Variants in ESCO2 observed in about 807,000 individuals in gnomAD.
ESCO2 encodes establishment of sister chromatid cohesion N-acetyltransferase 2.
In ESCO2, 51 loss-of-function variants were observed where a neutral mutation model predicts 61.7. The ratio of observed to expected loss-of-function variants is 0.83; its 90% CI spans 0.66 to 1.04. The LOEUF is 1.04. Ranked by LOEUF, ESCO2 falls within the 50% of genes least tolerant of loss-of-function variation. The pLI is 0.00. For synonymous variants in ESCO2, 230 were observed against 238.2 expected (o/e 0.97, Z 0.32); for missense variants, 692 against 686.2 (o/e 1.01, Z -0.09).
At chr8:27,810,348 G>A (rs764518967), downstream of ESCO2, 11 of 1,612,948 alleles carry the variant, frequency 6.8e-6, no homozygotes, top group Non-Finnish European at 9.3e-6. Flanking sequence ...TGCAGCAGAA[G>A]GACGATCTTT....
At chr8:27,788,040 CT>C in intron 6 of ESCO2, 38 bp downstream of exon 6, 1 of 1,495,214 alleles carries the variant, frequency 6.7e-7, no homozygotes, top group Non-Finnish European at 9.3e-7. Context: ...CTATCTAGCC[CT>C]TTGCAGAAAA....
chr8:27,808,684 C>CAAAAAAAA (rs34162059), downstream of ESCO2, among the ~76,000 whole-genome samples: 15 of 106,572 alleles, frequency 1.4e-4, no homozygotes, highest in East Asian at 2.2e-3. Context: ...GACCCTGTCT[C>CAAAAAAAA]AAAAAAAAAA....
upstream of ESCO2, chr8:27,772,506 C>T: frequency 1.3e-6 from 2 of 1,549,982 alleles, no homozygotes; most frequent in Non-Finnish European, 8.7e-7. Flanking sequence ...ACGTGGCGCC[C>T]ACTCACCGCT....
In ESCO2 at chr8:27,776,530, C is replaced by T. The variant is rs1256764677; in HGVS notation, c.222C>T (p.Gly74=). 16 of 1,614,074 alleles carry T rather than the reference C, an allele frequency of 9.9e-6. No individual in the cohort carries two copies. The highest frequency in any genetic ancestry group is 3.3e-5 in the South Asian group (3 of 91,062). ...EINRLPSANQ[G]SPFKSALSTV... The stretch of plus-strand genomic sequence containing the variant: ...ATAGACTGCCATCAGCAAATCAAGG[C>T]TCACCATTTAAATCTGCGCTCTCCA... Residue 74 remains glycine, a synonymous_variant, in exon 3 of 11, where the codon GGC becomes GGT. Coordinates refer to ENST00000305188, the MANE Select transcript of ESCO2 (RefSeq NM_001017420.3).
chr8:27,818,993 G>A, the ESCO2 span, among the ~76,000 whole-genome samples: 1 of 152,070 alleles, frequency 6.6e-6, no homozygotes, highest in Non-Finnish European at 1.5e-5. Context: ...ATACAAAAAT[G>A]TCACCTTTAT....
downstream of ESCO2, among the ~76,000 whole-genome samples, chr8:27,811,665 G>A (rs1321134756): frequency 1.3e-5 from 2 of 152,124 alleles, no homozygotes; most frequent in Non-Finnish European, 2.9e-5. Context: ...GAGTCAACTT[G>A]TCAATTTCAA....
chr8:27,813,080 C>T (rs1563487838), downstream of ESCO2, among the ~76,000 whole-genome samples: 5 of 152,140 alleles, frequency 3.3e-5, no homozygotes, highest in South Asian at 6.2e-4. Flanking sequence ...CCCAAATGTC[C>T]GTCAATGACT....
downstream of ESCO2, among the ~76,000 whole-genome samples, chr8:27,805,767 C>T (rs143993724): frequency 1.3e-3 from 197 of 152,224 alleles, 3 homozygotes; most frequent in African/African-American, 4.2e-3. Context: ...TGTGTCACCA[C>T]GTCTGCTTAA....
At chr8:27,793,634 G>A (rs549094087) in intron 9 of ESCO2, among the ~76,000 whole-genome samples, 9 of 151,886 alleles carry the variant, frequency 5.9e-5, no homozygotes, top group African/African-American at 1.7e-4. Flanking sequence ...CTACAGCCGC[G>A]TGCCACCATG....
intron 10 of ESCO2, 63 bp downstream of exon 10, chr8:27,799,779 G>T: frequency 6.3e-7 from 1 of 1,578,638 alleles, no homozygotes; most frequent in Non-Finnish European, 8.7e-7. Flanking sequence ...GAACCTCTCG[G>T]CTTCTGAGCT....
intron 3 of ESCO2, 181 bp downstream of exon 3, chr8:27,777,350 G>T (rs1804818391): frequency 1.8e-6 from 1 of 551,230 alleles, no homozygotes; most frequent in Non-Finnish European, 3.0e-6. Context: ...TTATGACCCA[G>T]GCTGTAGTGC....
the ESCO2 span, among the ~76,000 whole-genome samples, chr8:27,818,381 A>G: frequency 6.6e-6 from 1 of 152,364 alleles, no homozygotes; most frequent in South Asian, 2.1e-4. Context: ...GCACTATTCT[A>G]GAGTTGAGGA....
downstream of ESCO2, among the ~76,000 whole-genome samples, chr8:27,806,551 A>T (rs1585415541): frequency 6.6e-6 from 1 of 152,226 alleles, no homozygotes. Flanking sequence ...ATTTTATTGG[A>T]ATTGTGTCAG....
chr8:27,775,458 T>A, intron 1 of ESCO2, 41 bp from the exon 2 acceptor site: 1 of 1,552,040 alleles, frequency 6.4e-7, no homozygotes, highest in Non-Finnish European at 8.9e-7. Context: ...TAAAGCGATT[T>A]TTAATATTTT....
chr8:27,813,883 T>C (rs957717465), downstream of ESCO2, among the ~76,000 whole-genome samples: 1 of 152,152 alleles, frequency 6.6e-6, no homozygotes, highest in African/African-American at 2.4e-5. Flanking sequence ...ATACCTGTGT[T>C]TGTGAAGGAT....
chr8:27,803,551 C>CACACAA lies in ESCO2; in HGVS notation c.*118_*119insAACACA. 2 of 1,297,144 alleles carry CACACAA rather than the reference C, an allele frequency of 1.5e-6. No individual in the cohort carries two copies. Among genetic ancestry groups the CACACAA allele is most frequent in the Non-Finnish European group, 2.0e-6 (2 of 982,146 alleles). 80.4% of individuals were successfully genotyped at this position (1,297,144 alleles called of 1,614,324 possible). A position where few individuals can be genotyped will look rare whatever the true frequency, so the allele number is the denominator to read the frequency against. On this transcript the variant is annotated 3_prime_UTR_variant, in exon 11 of 11. Transcript: ENST00000305188. ...AAAAATACCGAGACTCACACTCATA[C>CACACAA]ACACACACACACACACGCACACACA...
intron 4 of ESCO2, among the ~76,000 whole-genome samples, chr8:27,782,683 T>C (rs530249866): frequency 6.6e-6 from 1 of 150,678 alleles, no homozygotes; most frequent in African/African-American, 2.4e-5. Flanking sequence ...TTTTTTCCCT[T>C]TGTAGAATTC....
At position 27,776,753 on chromosome 8, in the gene ESCO2, C is replaced by G; in HGVS notation, c.445C>G (p.Gln149Glu). ...ACAGAAGAGTTTAACTGCTAAGTAT[C>G]AACCAAAGTATAGACACATCAAGCC... is the stretch of plus-strand genomic sequence containing the variant. The part of the protein sequence containing the change: ...KPQKSLTAKY[Q>E]PKYRHIKPVS... Residue 149 changes from glutamine to glutamate, a missense_variant, in exon 3 of 11, where the codon CAA (glutamine) becomes GAA (glutamate). Gln to Glu is a conservative substitution (Grantham distance 29). Transcript: ENST00000305188. 1 of 1,613,910 alleles carries G rather than the reference C, an allele frequency of 6.2e-7. No homozygotes were observed. The highest frequency in any genetic ancestry group is 1.1e-5 in the South Asian group (1 of 91,062).
the ESCO2 span, among the ~76,000 whole-genome samples, chr8:27,819,431 T>G: frequency 1.3e-5 from 2 of 152,130 alleles, no homozygotes; most frequent in Non-Finnish European, 2.9e-5. Context: ...TTCTAAATAT[T>G]TTATAAATGG....
Sources: gnomAD v4.1 joint callset for allele counts (sites outside exome capture counted in the v4.1 genomes callset) on GRCh38, gnomAD v4.1.1 for gene constraint, MANE v1.5 for transcripts, NCBI Gene and HGNC (gene_info 2026-07-23, HGNC 2026-07-21) for gene names.